The following ZFPM2 variants were observed in gnomAD, a reference collection of about 807,000 sequenced individuals.
ZFPM2 encodes zinc finger protein ZFPM2.
A neutral mutation model predicts 98.6 loss-of-function variants in ZFPM2; 20 were observed. That is an observed-to-expected ratio of 0.20 (90% confidence interval 0.14 to 0.29). The LOEUF (loss-of-function observed/expected upper bound fraction) is 0.29, where lower values mean the gene tolerates loss of function less well. Ranked by LOEUF, ZFPM2 falls within the 10% of genes least tolerant of loss-of-function variation. ZFPM2 has a pLI of 1.00. For synonymous variants in ZFPM2, 518 were observed against 502.7 expected, an observed-to-expected ratio of 1.03 and a Z score of -0.41; for missense variants, 1,310 against 1,388.6, an observed-to-expected ratio of 0.94 and a Z score of 0.90.
intron 5 of ZFPM2, among the ~76,000 whole-genome samples, chr8:105,681,332 C>T (rs1325117134): frequency 1.3e-5 from 2 of 152,128 alleles, no homozygotes; most frequent in Admixed American, 6.5e-5. Flanking sequence ...TTCCTCACAA[C>T]CCCTTTCAGA....
chr8:105,347,599 G>T (rs1292517314), intron 1 of ZFPM2, among the ~76,000 whole-genome samples: 1 of 152,086 alleles, frequency 6.6e-6, no homozygotes, highest in African/African-American at 2.4e-5. Context: ...GACATGCCAA[G>T]CCAGCAGTGA....
At chr8:105,365,023 C>T (rs764318127) in intron 1 of ZFPM2, among the ~76,000 whole-genome samples, 2 of 152,114 alleles carry the variant, frequency 1.3e-5, no homozygotes, top group Non-Finnish European at 2.9e-5. Context: ...TCTCAACTTG[C>T]TCTCAGCCCC....
At chr8:105,582,699 T>G (rs1815628961) in intron 4 of ZFPM2, among the ~76,000 whole-genome samples, 1 of 152,094 alleles carries the variant, frequency 6.6e-6, no homozygotes, top group Non-Finnish European at 1.5e-5. Flanking sequence ...GCTCAAGCAA[T>G]ACCCCCACCT....
At chr8:105,662,700 T>A (rs1817414896) in intron 5 of ZFPM2, 1 of 151,352 alleles carries the variant, frequency 6.6e-6, no homozygotes. Flanking sequence ...ATCAACTTTC[T>A]GGTCCCCAGC....
At chr8:105,611,656 C>T (rs1816309180) in intron 4 of ZFPM2, among the ~76,000 whole-genome samples, 2 of 151,732 alleles carry the variant, frequency 1.3e-5, no homozygotes, top group Non-Finnish European at 2.9e-5. Context: ...GAAAAAGAAA[C>T]ATTCAATCTC....
At chr8:105,501,672 T>C (rs1345367845) in intron 3 of ZFPM2, among the ~76,000 whole-genome samples, 4 of 148,546 alleles carry the variant, frequency 2.7e-5, no homozygotes, top group Non-Finnish European at 4.4e-5. Flanking sequence ...CCTGGCTAAT[T>C]TTTGCAGTTT....
chr8:105,468,847 C>T (rs1335818641), intron 3 of ZFPM2, among the ~76,000 whole-genome samples: 2 of 152,058 alleles, frequency 1.3e-5, no homozygotes, highest in South Asian at 4.1e-4. Context: ...GTATTTATTC[C>T]CCAATAACCT....
intron 6 of ZFPM2, chr8:105,796,765 A>C (rs1813831475): frequency 6.6e-6 from 1 of 152,088 alleles, no homozygotes. Context: ...TGTATTTCTT[A>C]CAGAAATATC....
intron 5 of ZFPM2, among the ~76,000 whole-genome samples, chr8:105,667,899 G>A (rs1198315227): frequency 6.6e-6 from 1 of 152,060 alleles, no homozygotes; most frequent in Non-Finnish European, 1.5e-5. Flanking sequence ...TTTCTATTGT[G>A]ATACACCTCA....
chr8:105,491,666 G>A (rs1488881162), intron 3 of ZFPM2, among the ~76,000 whole-genome samples: 1 of 152,146 alleles, frequency 6.6e-6, no homozygotes, highest in Admixed American at 6.6e-5. Flanking sequence ...AGAAAGAATA[G>A]CTGTATGTTT....
At chr8:105,647,269 C>T (rs1486856941) in intron 5 of ZFPM2, among the ~76,000 whole-genome samples, 1 of 152,106 alleles carries the variant, frequency 6.6e-6, no homozygotes, top group African/African-American at 2.4e-5. Flanking sequence ...ACCTTGTTTT[C>T]TTCTTTACTG....
chr8:105,656,441 T>G (rs1349323771), intron 5 of ZFPM2, among the ~76,000 whole-genome samples: 1 of 152,190 alleles, frequency 6.6e-6, no homozygotes, highest in Non-Finnish European at 1.5e-5. Flanking sequence ...CCTCATACAG[T>G]TCAGTTATAA....
intron 3 of ZFPM2, among the ~76,000 whole-genome samples, chr8:105,488,491 G>A (rs1241286928): frequency 6.6e-6 from 1 of 152,164 alleles, no homozygotes; most frequent in Non-Finnish European, 1.5e-5. Context: ...GCCGGGCGCG[G>A]TGGTTTACAC....
chr8:105,695,819 T>C (rs1811006004), intron 5 of ZFPM2, among the ~76,000 whole-genome samples: 1 of 152,202 alleles, frequency 6.6e-6, no homozygotes, highest in African/African-American at 2.4e-5. Flanking sequence ...TTAGTTAATT[T>C]TTCATTTTTT....
Position 105,802,568 on chromosome 8 carries a change from C to T in ZFPM2, c.2486C>T (p.Pro829Leu), listed in dbSNP as rs750052230. 6.2e-7 allele frequency: 1 copy of T among 1,610,990 alleles called. No individual in the cohort carries two copies. The highest frequency in any genetic ancestry group is 8.5e-7 in the Non-Finnish European group (1 of 1,178,512). The change falls in exon 8 of 8, where the codon CCC becomes CTC. Residue 829 changes from proline (P) to leucine (L), a missense_variant. By Grantham distance (98) the Pro-to-Leu change is moderately conservative. Coordinates refer to ENST00000407775, the MANE Select transcript of ZFPM2 (RefSeq NM_012082.4). ...GTTTCCTGCCTAGAGATGGACGTGC[C>T]CATAGATCTCAGCAAAAAGTGTTTA... ...SSVSCLEMDVPIDLSKKCLSQ... is the reference protein window; with the variant it reads ...SSVSCLEMDVLIDLSKKCLSQ...
chr8:105,554,210 A>G (rs1814931590), intron 3 of ZFPM2, among the ~76,000 whole-genome samples: 2 of 152,208 alleles, frequency 1.3e-5, no homozygotes, highest in South Asian at 4.1e-4. Context: ...ATAGCATAAT[A>G]TAAATGGTGC....
intron 4 of ZFPM2, among the ~76,000 whole-genome samples, chr8:105,622,559 T>A (rs1275726120): frequency 1.3e-5 from 2 of 152,188 alleles, no homozygotes; most frequent in Non-Finnish European, 2.9e-5. Context: ...TAAAGGTTTA[T>A]CTCATTTGAT....
intron 4 of ZFPM2, among the ~76,000 whole-genome samples, chr8:105,623,016 A>G (rs949275894): frequency 2.6e-5 from 4 of 152,204 alleles, no homozygotes; most frequent in African/African-American, 9.6e-5. Context: ...ACCTGATATT[A>G]CAATATTTGA....
intron 5 of ZFPM2, among the ~76,000 whole-genome samples, chr8:105,725,917 G>A (rs751325010): frequency 4.6e-5 from 7 of 151,704 alleles, no homozygotes; most frequent in Non-Finnish European, 1.0e-4. Context: ...TTCAACAAAG[G>A]TTCTAATGAA....
Sources: gnomAD v4.1 joint callset for allele counts (sites outside exome capture counted in the v4.1 genomes callset) on GRCh38, gnomAD v4.1.1 for gene constraint, MANE v1.5 for transcripts, NCBI Gene and HGNC (gene_info 2026-07-23, HGNC 2026-07-21) for gene names.